Variants in RGPD3 observed in about 807,000 individuals in gnomAD.
RGPD3 encodes RANBP2 like and GRIP domain containing 3.
Under a neutral mutation model 154.5 loss-of-function variants are expected in RGPD3, and 62 were observed. That is an observed-to-expected ratio of 0.40 (90% confidence interval 0.33 to 0.50). The LOEUF is 0.50. Among genes scored for constraint, RGPD3 ranks in the 20% least tolerant of loss-of-function variants. RGPD3 has a pLI of 0.59. For synonymous variants in RGPD3, 308 were observed against 607.0 expected (o/e 0.51, Z 7.24); for missense variants, 919 against 1,716.8 (o/e 0.54, Z 8.21).
intron 20 of RGPD3, among the ~76,000 whole-genome samples, chr2:106,420,484 A>T (rs1030118160): frequency 5.3e-5 from 8 of 152,112 alleles, no homozygotes; most frequent in Non-Finnish European, 8.8e-5. Context: ...AAACATTCTG[A>T]GAGCTATGGT....
In RGPD3 at chr2:106,434,210, C is replaced by T. The variant is rs540497364; in HGVS notation, c.2205+18G>A. 1.3e-6 allele frequency: 2 copies of T among 1,587,462 alleles called. No individual in the cohort carries two copies. Among genetic ancestry groups the T allele is most frequent in the African/African-American group, 2.7e-5 (2 of 73,358 alleles). On this transcript the variant is annotated intron_variant, in intron 15 of 22. Transcript: ENST00000409886. ...TGGGTTATCAGTAAGAACGTACATA[C>T]AACAACCTGCTACTTACTTTCTTGA...
intron 1 of RGPD3, among the ~76,000 whole-genome samples, chr2:106,467,965 G>A (rs1678686687): frequency 7.1e-6 from 1 of 140,024 alleles, no homozygotes; most frequent in African/African-American, 2.7e-5. Flanking sequence ...AGCCATCGAG[G>A]CCGCCGCAGG....
At chr2:106,411,718 T>C (rs71261151) in intron 22 of RGPD3, among the ~76,000 whole-genome samples, 36 of 152,086 alleles carry the variant, frequency 2.4e-4, no homozygotes, top group Admixed American at 3.9e-4. Context: ...CTTGGGAGGC[T>C]GAGGCAGGAG....
intron 6 of RGPD3, among the ~76,000 whole-genome samples, chr2:106,448,345 C>T (rs2104499186): frequency 6.6e-6 from 1 of 152,308 alleles, no homozygotes; most frequent in East Asian, 1.9e-4. Flanking sequence ...CTCCTGACCT[C>T]ACGATCCGCC....
chr2:106,466,380 GCC>G, intron 1 of RGPD3, among the ~76,000 whole-genome samples: 1 of 148,406 alleles, frequency 6.7e-6, no homozygotes, highest in African/African-American at 2.5e-5. Flanking sequence ...CCGGGTCCAG[GCC>G]ACCGCCTCAA....
intron 18 of RGPD3, 76 bp downstream of exon 18, chr2:106,429,570 T>A: frequency 7.1e-7 from 1 of 1,403,648 alleles, no homozygotes; most frequent in South Asian, 1.3e-5. Flanking sequence ...ACAAGGTGAT[T>A]TCACACGTTA....
At chr2:106,449,878 G>C (rs1370362272) in intron 6 of RGPD3, among the ~76,000 whole-genome samples, 2 of 151,874 alleles carry the variant, frequency 1.3e-5, no homozygotes, top group Non-Finnish European at 2.9e-5. Flanking sequence ...TTAGCTGGGT[G>C]TGGTGGCAGG....
At chr2:106,430,526 T>G (rs1305226760) in intron 17 of RGPD3, among the ~76,000 whole-genome samples, 2 of 149,396 alleles carry the variant, frequency 1.3e-5, no homozygotes, top group Non-Finnish European at 3.0e-5. Flanking sequence ...CACTGCAATC[T>G]GGACTACCTG....
intron 3 of RGPD3, among the ~76,000 whole-genome samples, 164 bp downstream of exon 3, chr2:106,457,403 G>T (rs1272994496): frequency 9.9e-5 from 15 of 152,274 alleles, no homozygotes; most frequent in Non-Finnish European, 1.8e-4. Flanking sequence ...ATTTATAGGT[G>T]TTAAACAATT....
intron 6 of RGPD3, among the ~76,000 whole-genome samples, chr2:106,449,187 C>G (rs1558856174): frequency 6.6e-6 from 1 of 151,346 alleles, no homozygotes; most frequent in Non-Finnish European, 1.5e-5. Flanking sequence ...ATTATTGGCC[C>G]TGTGCGGTGG....
At chr2:106,429,035 T>C (rs1317866166) in intron 18 of RGPD3, among the ~76,000 whole-genome samples, 3 of 151,918 alleles carry the variant, frequency 2.0e-5, no homozygotes, top group African/African-American at 7.3e-5. Flanking sequence ...ATTAACTGTT[T>C]ACTGTATACT....
rs1170637955 is a variant in RGPD3 at position 106,447,492 on chromosome 2, C to G, written c.904G>C (p.Gly302Arg). The G allele has an allele frequency of 4.3e-6, 1 of 230,668 alleles. No individual in the cohort carries two copies. The allele number at this position is 230,668 out of a possible 1,614,324, so 14.3% of individuals were successfully genotyped here. The change falls in exon 7 of 23, where the codon GGT becomes CGT. Residue 302 changes from glycine (G) to arginine (R), a missense_variant. Physicochemically the swap from Gly to Arg is moderately radical, Grantham distance 125 (BLOSUM62 -2). Coordinates refer to ENST00000409886, the MANE Select transcript of RGPD3 (RefSeq NM_001144013.2). The stretch of plus-strand genomic sequence containing the variant: ...CATTGAACATTATTACCATGCTGAC[C>G]CATCTTCAAGAGCAGAGAACCAGCA... ...MHAGSLLLKM[G>R]QHGNNVQWRA... is the part of the protein sequence containing the mutation.
At position 106,404,407 on chromosome 2, in the gene RGPD3, C is replaced by T. The variant is rs1287532867; in HGVS notation, c.*812G>A. ...ACATAATGAGTTTTGAGATAGTATA[C>T]TTTAAAGAAAAAAAGAAGAGTTTAT... On this transcript the variant is annotated 3_prime_UTR_variant, in exon 23 of 23. Coordinates refer to ENST00000409886, the MANE Select transcript of RGPD3 (RefSeq NM_001144013.2). Among the ~76,000 whole-genome samples the T allele has an allele frequency of 6.8e-6, 1 of 147,202 alleles. No individual in the cohort carries two copies. The highest frequency in any genetic ancestry group is 6.7e-5 in the Admixed American group (1 of 14,878).
At chr2:106,421,779 C>T (rs867929796) in intron 20 of RGPD3, among the ~76,000 whole-genome samples, 9,412 of 150,566 alleles carry the variant, frequency 0.063, 341 homozygotes, top group Non-Finnish European at 0.081. Context: ...TACTGGCAGA[C>T]GTTAGTGGCT....
chr2:106,466,634 GCCTCAA>G (rs1195913457), intron 1 of RGPD3, among the ~76,000 whole-genome samples: 6 of 22,556 alleles, frequency 2.7e-4, no homozygotes, highest in South Asian at 5.9e-3. Flanking sequence ...CGAGGCCGCC[GCCTCAA>G]CAGAGCGCGC....
chr2:106,467,845 G>A (rs1220078012), intron 1 of RGPD3, among the ~76,000 whole-genome samples: 1 of 138,722 alleles, frequency 7.2e-6, no homozygotes, highest in Non-Finnish European at 1.6e-5. Context: ...AGCAGCGCCC[G>A]TCGGGAGCCA....
At chr2:106,461,074 C>A (rs1205526092) in intron 1 of RGPD3, among the ~76,000 whole-genome samples, 1 of 77,890 alleles carries the variant, frequency 1.3e-5, no homozygotes, top group Non-Finnish European at 2.5e-5. Flanking sequence ...GCACTTATCA[C>A]ACACTGTGGC....
At chr2:106,413,961 T>C (rs1272266646) in intron 21 of RGPD3, among the ~76,000 whole-genome samples, 1 of 152,142 alleles carries the variant, frequency 6.6e-6, no homozygotes, top group Non-Finnish European at 1.5e-5. Flanking sequence ...GCTCTGAAAA[T>C]GGGCTGAGGG....
rs1676427368 is a variant in RGPD3 at position 106,403,683 on chromosome 2, A to G, written c.*1536T>C. Reference sequence around the variant, plus strand: ...CACAGTTTATAAAGTAAAAAAACTAAACTCTTCATGTCGGCTCTGAAATAG... The same window carrying G: ...CACAGTTTATAAAGTAAAAAAACTAGACTCTTCATGTCGGCTCTGAAATAG... On this transcript the variant is annotated 3_prime_UTR_variant, in exon 23 of 23. Coordinates refer to ENST00000409886, the MANE Select transcript of RGPD3 (RefSeq NM_001144013.2). 1.3e-5 allele frequency among the ~76,000 whole-genome samples: 2 copies of G among 152,290 alleles called. No individual in the cohort carries two copies. The highest frequency in any genetic ancestry group is 4.8e-5 in the African/African-American group (2 of 41,482).
Sources: gnomAD v4.1 joint callset for allele counts (sites outside exome capture counted in the v4.1 genomes callset) on GRCh38, gnomAD v4.1.1 for gene constraint, MANE v1.5 for transcripts, NCBI Gene and HGNC (gene_info 2026-07-23, HGNC 2026-07-21) for gene names.